The following SLC24A3 variants were observed in gnomAD, a reference collection of about 807,000 sequenced individuals.
The protein encoded by SLC24A3 is solute carrier family 24 member 3.
SLC24A3 carries 28 observed loss-of-function variants against 75.8 expected under a neutral mutation model. The ratio of observed to expected loss-of-function variants is 0.37; its 90% CI spans 0.27 to 0.51. SLC24A3 has a LOEUF of 0.51. SLC24A3 is among the 20% of genes least tolerant of loss of function. SLC24A3 has a pLI of 0.94. For missense variants in SLC24A3, 663 were observed against 847.8 expected (o/e 0.78, Z 2.71); for synonymous variants, 372 against 334.1 (o/e 1.11, Z -1.24).
chr20:19,263,551 C>T lies in SLC24A3; in HGVS notation c.143-17408C>T, dbSNP rs753200715. On this transcript the variant is annotated intron_variant, in intron 1 of 16. Coordinates refer to ENST00000328041, the MANE Select transcript of SLC24A3 (RefSeq NM_020689.4). ...CTGAAATATGCAAAGCAAGCCTCCCCGTTTCTCAGGCGCAGGTGGTGGCCA... is the reference window on the plus strand; with the variant it reads ...CTGAAATATGCAAAGCAAGCCTCCCTGTTTCTCAGGCGCAGGTGGTGGCCA... 1.4e-4 allele frequency among the ~76,000 whole-genome samples: 21 copies of T among 152,312 alleles called. No individual in the cohort carries two copies. The South Asian group carries it at 1.5e-3, about 11-fold the overall frequency.
chr20:19,517,459 G>A (rs757845486), intron 3 of SLC24A3, among the ~76,000 whole-genome samples: 3 of 152,174 alleles, frequency 2.0e-5, no homozygotes, highest in Non-Finnish European at 2.9e-5. Context: ...ACCCAGGAAG[G>A]TTTCTGGTGT....
chr20:19,336,830 G>A (rs965323067), intron 2 of SLC24A3, among the ~76,000 whole-genome samples: 15 of 151,846 alleles, frequency 9.9e-5, no homozygotes, highest in Non-Finnish European at 1.6e-4. Flanking sequence ...GGGTAAAACC[G>A]GTAGGCCTTA....
At chr20:19,699,768 C>T (rs1463119440) in intron 15 of SLC24A3, among the ~76,000 whole-genome samples, 1 of 152,178 alleles carries the variant, frequency 6.6e-6, no homozygotes. Context: ...AGTGCTTTCT[C>T]CCTTGCAGGA....
chr20:19,507,057 G>T (rs746501407), intron 2 of SLC24A3, among the ~76,000 whole-genome samples: 16 of 152,180 alleles, frequency 1.1e-4, no homozygotes, highest in Non-Finnish European at 1.9e-4. Flanking sequence ...CATTTCCAAA[G>T]ACTAAATATT....
chr20:19,527,140 A>G (rs534980954), intron 3 of SLC24A3, among the ~76,000 whole-genome samples: 13 of 152,126 alleles, frequency 8.5e-5, no homozygotes, highest in African/African-American at 2.7e-4. Context: ...TGCCTCCTGG[A>G]AGCTTTCTTT....
chr20:19,554,498 C>A (rs947498134), intron 3 of SLC24A3, among the ~76,000 whole-genome samples: 3 of 152,106 alleles, frequency 2.0e-5, no homozygotes, highest in Non-Finnish European at 4.4e-5. Context: ...GAGTTCACTT[C>A]CTGGGTATAG....
chr20:19,238,966 G>GCACA (rs60649887), intron 1 of SLC24A3, among the ~76,000 whole-genome samples: 11,768 of 148,720 alleles, frequency 0.079, 1,757 homozygotes, highest in East Asian at 0.66. Flanking sequence ...ATGGGCGCAT[G>GCACA]CACACACACA....
chr20:19,642,553 C>G (rs551224167), intron 6 of SLC24A3, among the ~76,000 whole-genome samples: 3 of 152,166 alleles, frequency 2.0e-5, no homozygotes, highest in Non-Finnish European at 4.4e-5. Flanking sequence ...GCACATGGAA[C>G]CCATTCTCCC....
intron 2 of SLC24A3, among the ~76,000 whole-genome samples, chr20:19,444,198 G>A (rs537544704): frequency 4.4e-4 from 67 of 152,200 alleles, no homozygotes; most frequent in Admixed American, 8.5e-4. Context: ...TGGTCATGGC[G>A]TATAATTTTT....
At chr20:19,450,220 C>A (rs182539672) in intron 2 of SLC24A3, among the ~76,000 whole-genome samples, 1 of 152,328 alleles carries the variant, frequency 6.6e-6, no homozygotes, top group Non-Finnish European at 1.5e-5. Context: ...GCAGTCCTCT[C>A]CACAGACAGT....
intron 2 of SLC24A3, among the ~76,000 whole-genome samples, chr20:19,376,271 G>A (rs973204893): frequency 2.6e-5 from 4 of 152,278 alleles, no homozygotes; most frequent in East Asian, 1.9e-4. Flanking sequence ...TGGGAATAAC[G>A]TTTTAGGTGC....
rs3827994 is a variant in SLC24A3, at chr20:19,594,328, C to G, written c.612+8784C>G. On this transcript the variant is annotated intron_variant, in intron 6 of 16. Coordinates refer to ENST00000328041, the MANE Select transcript of SLC24A3 (RefSeq NM_020689.4). ...TGCCCTAGGTCCAAGCAGCTACAGTCCAGGTGGCTATGGCCTGAACCACAC... is the reference window on the plus strand; with the variant it reads ...TGCCCTAGGTCCAAGCAGCTACAGTGCAGGTGGCTATGGCCTGAACCACAC... 9.9e-3 allele frequency among the ~76,000 whole-genome samples: 1,508 copies of G among 152,256 alleles called. 59 individuals carry two copies. Among genetic ancestry groups the G allele is most frequent in the Admixed American group, 0.069 (1,054 of 15,292 alleles).
In SLC24A3 at chr20:19,701,878, A is replaced by G. The variant is rs968846083; in HGVS notation, c.1719+3198A>G. ...AACCTGAAGAATTCATCCCTGAATA[A>G]TATATTTTCACCAGGATGACTCTCC... On this transcript the variant is annotated intron_variant, in intron 15 of 16. Transcript: ENST00000328041. Among the ~76,000 whole-genome samples, 3 of 152,240 alleles carry G rather than the reference A, an allele frequency of 2.0e-5. 1 individual carries two copies. The highest frequency in any genetic ancestry group is 7.2e-5 in the African/African-American group (3 of 41,462).
At chr20:19,646,274 A>C (rs2122702692) in intron 6 of SLC24A3, among the ~76,000 whole-genome samples, 1 of 152,328 alleles carries the variant, frequency 6.6e-6, no homozygotes, top group East Asian at 1.9e-4. Flanking sequence ...ACAGTATATC[A>C]CATTAAATTT....
intron 2 of SLC24A3, among the ~76,000 whole-genome samples, chr20:19,329,294 T>C (rs1286123865): frequency 6.6e-6 from 1 of 152,228 alleles, no homozygotes; most frequent in Non-Finnish European, 1.5e-5. Context: ...AGCTTGTTTT[T>C]ATGCTAATGA....
Position 19,585,707 on chromosome 20 carries a change from C to G in SLC24A3, c.612+163C>G, listed in dbSNP as rs372831357. ...CTCACATCCCAGGAGGCTGGCCCAG[C>G]TAGAAGTGGAAACTGGTAATCCACC... is the stretch of plus-strand genomic sequence containing the variant. On this transcript the variant is annotated intron_variant, in intron 6 of 16. Coordinates refer to ENST00000328041, the MANE Select transcript of SLC24A3 (RefSeq NM_020689.4). 9.9e-5 allele frequency among the ~76,000 whole-genome samples: 15 copies of G among 152,232 alleles called. No homozygotes were observed. The East Asian group carries it at 2.7e-3, about 27-fold the overall frequency.
chr20:19,374,462 C>T (rs937180906), intron 2 of SLC24A3, among the ~76,000 whole-genome samples: 1 of 152,236 alleles, frequency 6.6e-6, no homozygotes, highest in African/African-American at 2.4e-5. Context: ...CTCCCCTTTG[C>T]TGCTCAATTA....
At chr20:19,616,550 C>G (rs60102957) in intron 6 of SLC24A3, among the ~76,000 whole-genome samples, 1 of 152,102 alleles carries the variant, frequency 6.6e-6, no homozygotes, top group African/African-American at 2.4e-5. Flanking sequence ...CCATCTGAGA[C>G]GGCTAACCTA....
chr20:19,637,708 T>C (rs1204454774), intron 6 of SLC24A3, among the ~76,000 whole-genome samples: 4 of 152,128 alleles, frequency 2.6e-5, no homozygotes, highest in Non-Finnish European at 5.9e-5. Flanking sequence ...GTGTTGACAA[T>C]ATAAGAATCA....
Sources: gnomAD v4.1 joint callset for allele counts (sites outside exome capture counted in the v4.1 genomes callset) on GRCh38, gnomAD v4.1.1 for gene constraint, MANE v1.5 for transcripts, NCBI Gene and HGNC (gene_info 2026-07-23, HGNC 2026-07-21) for gene names.